Variants in DOT1L observed in about 807,000 individuals in gnomAD.
DOT1L encodes the protein histone-lysine N-methyltransferase, H3 lysine-79 specific.
DOT1L carries 33 observed loss-of-function variants against 153.3 expected under a neutral mutation model. That is an observed-to-expected ratio of 0.22 (90% confidence interval 0.16 to 0.29). The LOEUF (loss-of-function observed/expected upper bound fraction) is 0.29, where lower values mean the gene tolerates loss of function less well. Among genes scored for constraint, DOT1L ranks in the 10% least tolerant of loss-of-function variants. The probability of loss-of-function intolerance (pLI) is 1.00; values close to 1 mark genes in which losing one functional copy is unlikely to be tolerated. For missense variants in DOT1L, 1,847 were observed against 2,119.9 expected, an observed-to-expected ratio of 0.87 and a Z score of 2.53; for synonymous variants, 1,135 against 965.1, an observed-to-expected ratio of 1.18 and a Z score of -3.26.
In DOT1L at chr19:2,230,011, A is replaced by G. The variant is rs1000978758; in HGVS notation, c.*219A>G. 5.5e-6 allele frequency: 4 copies of G among 725,732 alleles called. No individual in the cohort carries two copies. Among genetic ancestry groups the G allele is most frequent in the African/African-American group, 5.4e-5 (3 of 55,980 alleles). 45.0% of individuals were successfully genotyped at this position (725,732 alleles called of 1,614,324 possible). A position where few individuals can be genotyped will look rare whatever the true frequency, so the allele number is the denominator to read the frequency against. ...AGATAAAGTATTTATCATTTTTTAA[A>G]AAGTATAAACAATTCTGACTTATTT... On this transcript the variant is annotated 3_prime_UTR_variant, in exon 28 of 28. Transcript: ENST00000398665.
chr19:2,169,020 A>G (rs2020029564), intron 1 of DOT1L, among the ~76,000 whole-genome samples: 1 of 152,170 alleles, frequency 6.6e-6, no homozygotes, highest in Admixed American at 6.5e-5. Flanking sequence ...AGGCCACAGA[A>G]CGGGACCTTC....
chr19:2,181,854 G>T (rs925465932), intron 2 of DOT1L, among the ~76,000 whole-genome samples: 1 of 151,802 alleles, frequency 6.6e-6, no homozygotes, highest in African/African-American at 2.4e-5. Context: ...GGTTTCTCTT[G>T]TTGCAGCTGG....
At chr19:2,210,359 A>C in intron 12 of DOT1L, 41 bp from the exon 13 acceptor site, 1 of 1,455,756 alleles carries the variant, frequency 6.9e-7, no homozygotes, top group Non-Finnish European at 9.1e-7. Flanking sequence ...GGCCGTGGGC[A>C]GCGCTGGGGC....
intron 27 of DOT1L, chr19:2,229,337 C>T (rs1438264807): frequency 3.7e-5 from 36 of 985,340 alleles, no homozygotes; most frequent in South Asian, 4.7e-5. Flanking sequence ...GCCTCAGGGG[C>T]CCCTGGGACA....
At position 2,222,335 on chromosome 19, in the gene DOT1L, G is replaced by T; in HGVS notation, c.3166G>T (p.Ala1056Ser). ...CACCATCACCACTGGTGCGGGCAGT[G>T]CCAAGCAGTCGCCCTCCAGCAAGCA... ...VFTITTGAGS[A>S]KQSPSSKHSP... The change falls in exon 24 of 28, where the codon GCC (alanine) becomes TCC (serine). Residue 1056 changes from alanine to serine, a missense_variant. Coordinates refer to ENST00000398665, the MANE Select transcript of DOT1L (RefSeq NM_032482.3). This position sits in a 1 kb window ranked among gnomAD's most constrained non-coding sequence, Gnocchi z 6.5. 1 of 1,612,866 alleles carries T rather than the reference G, an allele frequency of 6.2e-7. No homozygotes were observed. The highest frequency in any genetic ancestry group is 1.7e-5 in the Admixed American group (1 of 60,022).
Position 2,222,303 on chromosome 19 carries a change from T to C in DOT1L, c.3134T>C (p.Ile1045Thr), listed in dbSNP as rs2024149682. The C allele has an allele frequency of 1.9e-6, 3 of 1,612,904 alleles. No individual in the cohort carries two copies. The highest frequency in any genetic ancestry group is 1.7e-5 in the Admixed American group (1 of 60,002). ...CCTGAGAGTGAAGCCAAGAGGAGGA[T>C]TGTGTTCACCATCACCACTGGTGCG... is the stretch of plus-strand genomic sequence containing the variant. Reference protein sequence around the residue: ...SDPESEAKRRIVFTITTGAGS... With the variant: ...SDPESEAKRRTVFTITTGAGS... The change falls in exon 24 of 28, where the codon ATT becomes ACT. Residue 1045 changes from isoleucine (I) to threonine (T), a missense_variant. Physicochemically the swap from Ile to Thr is moderately conservative, Grantham distance 89. Coordinates refer to ENST00000398665, the MANE Select transcript of DOT1L (RefSeq NM_032482.3). This position sits in a 1 kb window ranked among gnomAD's most constrained non-coding sequence, Gnocchi z 6.5.
rs956039512 is a variant in DOT1L, at chr19:2,222,894, CA to C, written c.3390+344del. ...CCTCTCGGGGGGACAAAAAAAAACA[CA>C]AAAAAAAACAGGTGGAGGCAGGGGG... On this transcript the variant is annotated intron_variant, in intron 24 of 27. Transcript: ENST00000398665. The surrounding 1 kb of genome is among the most constrained non-coding windows in gnomAD (Gnocchi z 6.5). 1.3e-4 allele frequency: 47 copies of C among 368,776 alleles called. No individual in the cohort carries two copies. The highest frequency in any genetic ancestry group is 7.2e-4 in the Middle Eastern group (1 of 1,382). The allele number at this position is 368,776 out of a possible 1,614,324, so 22.8% of individuals were successfully genotyped here.
intron 3 of DOT1L, among the ~76,000 whole-genome samples, chr19:2,187,984 G>T (rs985551381): frequency 3.3e-5 from 5 of 151,174 alleles, no homozygotes; most frequent in African/African-American, 1.2e-4. Context: ...CTCTGGAGCT[G>T]CGGGGAAGGC....
intron 22 of DOT1L, among the ~76,000 whole-genome samples, chr19:2,218,469 C>A (rs1599607186): frequency 6.6e-6 from 1 of 151,980 alleles, no homozygotes; most frequent in East Asian, 1.9e-4. Context: ...TCTCGGCTCA[C>A]TGCAAGCTCC....
At chr19:2,218,978 TCTC>T (rs1212493418) in intron 22 of DOT1L, among the ~76,000 whole-genome samples, 8 of 152,150 alleles carry the variant, frequency 5.3e-5, no homozygotes, top group Non-Finnish European at 1.0e-4. Context: ...TTCAAGCAGT[TCTC>T]CTGCCTCAGC....
At chr19:2,171,005 C>T (rs1052595722) in intron 1 of DOT1L, among the ~76,000 whole-genome samples, 3 of 152,196 alleles carry the variant, frequency 2.0e-5, no homozygotes, top group Non-Finnish European at 4.4e-5. Context: ...CTTTGTCACC[C>T]AGGCTGGAGT....
At chr19:2,168,759 C>G (rs1403925508) in intron 1 of DOT1L, among the ~76,000 whole-genome samples, 5 of 152,064 alleles carry the variant, frequency 3.3e-5, no homozygotes, top group Admixed American at 3.3e-4. Context: ...GGACTACAGG[C>G]ACCCGCCACC....
At chr19:2,205,347 C>T (rs1427514094) in intron 9 of DOT1L, among the ~76,000 whole-genome samples, 3 of 152,176 alleles carry the variant, frequency 2.0e-5, no homozygotes, top group Admixed American at 6.5e-5. Flanking sequence ...CTGCGAAGTT[C>T]GGCTCCTGAC....
chr19:2,218,219 T>C (rs989849283), intron 22 of DOT1L, among the ~76,000 whole-genome samples: 2 of 152,164 alleles, frequency 1.3e-5, no homozygotes, highest in African/African-American at 4.8e-5. Flanking sequence ...CGAGGCCACA[T>C]TGGCTGCCGT....
chr19:2,164,984 C>T (rs191156974), intron 1 of DOT1L, among the ~76,000 whole-genome samples: 106 of 152,346 alleles, frequency 7.0e-4, no homozygotes, highest in African/African-American at 2.4e-3. Flanking sequence ...TAAATTTTGT[C>T]TTCTTCATCT....
At chr19:2,166,241 C>T (rs537658927) in intron 1 of DOT1L, among the ~76,000 whole-genome samples, 92 of 151,550 alleles carry the variant, frequency 6.1e-4, no homozygotes, top group African/African-American at 2.2e-3. Context: ...GGATTACAGG[C>T]ATGCGCCACC....
intron 27 of DOT1L, chr19:2,227,914 C>G: frequency 5.0e-6 from 6 of 1,210,570 alleles, no homozygotes; most frequent in Non-Finnish European, 6.3e-6. Flanking sequence ...CCCCCTCCGC[C>G]TCCGCCTCCG....
intron 1 of DOT1L, among the ~76,000 whole-genome samples, chr19:2,165,773 T>C (rs2019891401): frequency 6.6e-6 from 1 of 151,272 alleles, no homozygotes; most frequent in Admixed American, 6.6e-5. Context: ...CTTCACATTT[T>C]TTTTTTTTTT....
intron 27 of DOT1L, chr19:2,227,483 C>T (rs567659423): frequency 2.6e-5 from 14 of 546,594 alleles, no homozygotes; most frequent in Admixed American, 9.1e-5. Flanking sequence ...AGCGAGTCCC[C>T]GCAGTGCCTG....
Sources: allele counts gnomAD v4.1 joint callset (sites outside exome capture counted in the v4.1 genomes callset), GRCh38; gene constraint gnomAD v4.1.1; non-coding constraint Gnocchi (gnomAD v3.1); transcripts MANE v1.5; gene names NCBI Gene and HGNC (gene_info 2026-07-23, HGNC 2026-07-21).